The following SEC22C variants were observed in gnomAD, a reference collection of about 807,000 sequenced individuals.
The protein encoded by SEC22C is vesicle-trafficking protein SEC22c.
A neutral mutation model predicts 34.7 loss-of-function variants in SEC22C; 29 were observed. The observed-to-expected ratio is 0.84, with a 90% CI of 0.62 to 1.14. The LOEUF (loss-of-function observed/expected upper bound fraction) is 1.14, where lower values mean the gene tolerates loss of function less well. Ranked by LOEUF, SEC22C falls within the 50% of genes most tolerant of loss-of-function variation. SEC22C has a pLI of 0.00. For synonymous variants in SEC22C, 117 were observed against 132.8 expected (o/e 0.88, Z 0.82); for missense variants, 337 against 369.0 (o/e 0.91, Z 0.71).
At chr3:42,565,175 G>A (rs1703159977) in intron 2 of SEC22C, among the ~76,000 whole-genome samples, 1 of 152,072 alleles carries the variant, frequency 6.6e-6, no homozygotes, top group Non-Finnish European at 1.5e-5. Context: ...TTAATATTCT[G>A]CCCCCCTTTC....
chr3:42,574,284 A>T, intron 1 of SEC22C, among the ~76,000 whole-genome samples: 1 of 149,494 alleles, frequency 6.7e-6, no homozygotes, highest in East Asian at 2.0e-4. Flanking sequence ...GTGCAGTGGC[A>T]TGTGTCTGTA....
chr3:42,596,039 GT>G (rs539975642), intron 1 of SEC22C, among the ~76,000 whole-genome samples: 4 of 149,382 alleles, frequency 2.7e-5, no homozygotes, highest in Non-Finnish European at 4.5e-5. Flanking sequence ...TTTTGTTTTT[GT>G]TTTTTTTTGA....
intron 2 of SEC22C, among the ~76,000 whole-genome samples, 197 bp downstream of exon 2, chr3:42,568,668 A>G (rs1249436756): frequency 6.6e-6 from 1 of 150,454 alleles, no homozygotes; most frequent in Non-Finnish European, 1.5e-5. Context: ...AAAAAAAAAA[A>G]GTTGGAGCAG....
chr3:42,584,114 C>A (rs532885984), upstream of SEC22C, among the ~76,000 whole-genome samples: 3 of 152,278 alleles, frequency 2.0e-5, no homozygotes, highest in Admixed American at 6.5e-5. Flanking sequence ...TAAATCCCCT[C>A]CCATATATCT....
At chr3:42,556,436 C>T (rs1425621618) in intron 5 of SEC22C, among the ~76,000 whole-genome samples, 2 of 152,204 alleles carry the variant, frequency 1.3e-5, no homozygotes, top group African/African-American at 4.8e-5. Flanking sequence ...TACAAACAAA[C>T]AGACAGTTGG....
chr3:42,565,756 G>T (rs1703197196), intron 2 of SEC22C: 1 of 378,476 alleles, frequency 2.6e-6, no homozygotes, highest in Non-Finnish European at 5.2e-6. Context: ...GTTTGTAGAG[G>T]GAACATGGCC....
intron 6 of SEC22C, among the ~76,000 whole-genome samples, chr3:42,554,654 G>A (rs771178094): frequency 5.3e-5 from 8 of 152,078 alleles, no homozygotes; most frequent in Non-Finnish European, 1.0e-4. Context: ...TAATTCTTAA[G>A]AATAAACCAT....
In SEC22C at chr3:42,563,698, G is replaced by A; in HGVS notation, c.183-12C>T. The A allele has an allele frequency of 6.2e-7, 1 of 1,613,528 alleles. No individual in the cohort carries two copies. Among genetic ancestry groups the A allele is most frequent in the Non-Finnish European group, 8.5e-7 (1 of 1,179,706 alleles). ...CGAAAGAAGAAAAACTGAAACAAAAGGGCAATATCTGTATTACCAGGAAAC... is the reference window on the plus strand; with the variant it reads ...CGAAAGAAGAAAAACTGAAACAAAAAGGCAATATCTGTATTACCAGGAAAC... On this transcript the variant is annotated splice_polypyrimidine_tract_variant and intron_variant, in intron 2 of 6. Transcript: ENST00000264454.
intron 1 of SEC22C, among the ~76,000 whole-genome samples, chr3:42,575,811 A>G (rs1703926575): frequency 6.6e-6 from 1 of 152,182 alleles, no homozygotes; most frequent in Non-Finnish European, 1.5e-5. Flanking sequence ...CCAACAACAG[A>G]AGAATTCCTT....
chr3:42,581,069 T>G lies in SEC22C; in HGVS notation c.-28+777A>C, dbSNP rs561129219. Reference sequence around the variant, plus strand: ...GCTATTAACATTGTCCAAAATGTACTTTCCAGAGGAAACACTATTTGTTTA... The same window carrying G: ...GCTATTAACATTGTCCAAAATGTACGTTCCAGAGGAAACACTATTTGTTTA... On this transcript the variant is annotated intron_variant, in intron 1 of 6. Coordinates refer to ENST00000264454, the MANE Select transcript of SEC22C (RefSeq NM_032970.4). Among the ~76,000 whole-genome samples, 287 of 152,378 alleles carry G rather than the reference T, an allele frequency of 1.9e-3. 1 individual carries two copies. The highest frequency in any genetic ancestry group is 2.5e-3 in the Non-Finnish European group (169 of 68,020).
intron 5 of SEC22C, among the ~76,000 whole-genome samples, chr3:42,557,372 GC>G (rs1411875299): frequency 5.3e-5 from 8 of 152,152 alleles, no homozygotes; most frequent in Middle Eastern, 6.8e-3. Context: ...ATCTTGGCAG[GC>G]CCCTCCTGCT....
At chr3:42,597,629 G>C (rs1475312090) in intron 1 of SEC22C, among the ~76,000 whole-genome samples, 2 of 151,112 alleles carry the variant, frequency 1.3e-5, no homozygotes, top group African/African-American at 4.9e-5. Flanking sequence ...TGTCCAACCC[G>C]CCACCCAGGG....
At chr3:42,561,062 C>T in intron 4 of SEC22C, 55 bp downstream of exon 4, 1 of 1,532,040 alleles carries the variant, frequency 6.5e-7, no homozygotes, top group Non-Finnish European at 8.9e-7. Flanking sequence ...AATCAACGTC[C>T]ATTTGAAATA....
Position 42,553,068 on chromosome 3 carries a change from G to A in SEC22C, c.*180C>T, listed in dbSNP as rs889937891. 7.0e-7 allele frequency: 1 copy of A among 1,433,546 alleles called. No homozygotes were observed. The highest frequency in any genetic ancestry group is 9.1e-7 in the Non-Finnish European group (1 of 1,100,368). 88.8% of individuals were successfully genotyped at this position (1,433,546 alleles called of 1,614,324 possible). A position where few individuals can be genotyped will look rare whatever the true frequency, so the allele number is the denominator to read the frequency against. ...CAGTAATGCTTGGCACAGAACCAAG[G>A]CTGGGTATCAAGCAACCTCATGACT... On this transcript the variant is annotated 3_prime_UTR_variant, in exon 7 of 7. Transcript: ENST00000264454.
Position 42,590,755 on chromosome 3 carries a change from T to G in SEC22C, c.-28+10205A>C, listed in dbSNP as rs6805211. ...CTGGGACCGAGGAAAGCGCTGAGTATAGCTCTTGCGCGTCCAGTCACAAAT... is the reference window on the plus strand; with the variant it reads ...CTGGGACCGAGGAAAGCGCTGAGTAGAGCTCTTGCGCGTCCAGTCACAAAT... On this transcript the variant is annotated intron_variant, in intron 1 of 6. Coordinates refer to the SEC22C transcript ENST00000417572. 3,051 of 872,380 alleles carry G rather than the reference T, an allele frequency of 3.5e-3. 76 individuals carry two copies. In the African/African-American group the frequency reaches 0.042, roughly 12 times the overall value. The allele number at this position is 872,380 out of a possible 1,614,324, so 54.0% of individuals were successfully genotyped here.
intron 3 of SEC22C, among the ~76,000 whole-genome samples, chr3:42,562,981 A>T (rs1577314997): frequency 6.6e-6 from 1 of 152,240 alleles, no homozygotes. Context: ...AAGAATTTCT[A>T]AACACCAGTT....
chr3:42,560,974 C>A (rs1396378663), intron 4 of SEC22C, 143 bp downstream of exon 4: 3 of 769,882 alleles, frequency 3.9e-6, no homozygotes, highest in Non-Finnish European at 4.0e-6. Context: ...CACCAAGAAA[C>A]AGGATGGGCC....
At chr3:42,565,886 G>C in intron 2 of SEC22C, 1 of 456,152 alleles carries the variant, frequency 2.2e-6, no homozygotes, top group Non-Finnish European at 4.4e-6. Context: ...CTGCTCACCT[G>C]TAAGAAAAGA....
At chr3:42,562,660 CAG>C (rs1192239666) in intron 3 of SEC22C, among the ~76,000 whole-genome samples, 1 of 152,184 alleles carries the variant, frequency 6.6e-6, no homozygotes, top group Non-Finnish European at 1.5e-5. Context: ...AAGAACATCA[CAG>C]AGTCAGCAGC....
Sources: allele counts gnomAD v4.1 joint callset (sites outside exome capture counted in the v4.1 genomes callset), GRCh38; gene constraint gnomAD v4.1.1; transcripts MANE v1.5; gene names NCBI Gene and HGNC (gene_info 2026-07-23, HGNC 2026-07-21).